The following BTBD3 variants were observed in gnomAD, a reference collection of about 807,000 sequenced individuals.
BTBD3 encodes the protein BTB/POZ domain-containing protein 3.
A neutral mutation model predicts 41.6 loss-of-function variants in BTBD3; 14 were observed. The ratio of observed to expected loss-of-function variants is 0.34; its 90% CI spans 0.22 to 0.53. The LOEUF (loss-of-function observed/expected upper bound fraction) is 0.53, where lower values mean the gene tolerates loss of function less well. BTBD3 is among the 20% of genes least tolerant of loss of function. The probability of loss-of-function intolerance (pLI) is 0.95; values close to 1 mark genes in which losing one functional copy is unlikely to be tolerated. For missense variants in BTBD3, 426 were observed against 654.7 expected, an observed-to-expected ratio of 0.65 and a Z score of 3.81; for synonymous variants, 249 against 233.7, an observed-to-expected ratio of 1.07 and a Z score of -0.60.
At chr20:11,900,161 C>T (rs555800761) in intron 1 of BTBD3, among the ~76,000 whole-genome samples, 2 of 152,224 alleles carry the variant, frequency 1.3e-5, no homozygotes, top group African/African-American at 2.4e-5. Flanking sequence ...TTGAATGCAT[C>T]TGTTCTACCT....
rs370952246 is a variant in BTBD3 at position 11,895,096 on chromosome 20, A to G, written c.-126+4142A>G. On this transcript the variant is annotated intron_variant, in intron 1 of 4. Coordinates refer to the BTBD3 transcript ENST00000254977. ...AGCGAGTTCTACCACCATTTGTTAA[A>G]TAGTTCCTCCTTTCTTCTTTGCTTT... Among the ~76,000 whole-genome samples, 16 of 152,208 alleles carry G rather than the reference A, an allele frequency of 1.1e-4. No homozygotes were observed. The South Asian group carries it at 2.9e-3, about 28-fold the overall frequency.
chr20:11,917,861 G>T (rs747476826), upstream of BTBD3: 6 of 955,388 alleles, frequency 6.3e-6, no homozygotes, highest in Non-Finnish European at 7.5e-6. Flanking sequence ...CCATCTGCAG[G>T]GCTGTAATAC....
At chr20:11,922,267 T>G (rs1366716811) in intron 3 of BTBD3, among the ~76,000 whole-genome samples, 1 of 152,200 alleles carries the variant, frequency 6.6e-6, no homozygotes, top group Non-Finnish European at 1.5e-5. Flanking sequence ...TATTCTTGGT[T>G]AAATATAATG....
chr20:11,891,050 A>T (rs2056748416), intron 1 of BTBD3: 1 of 865,188 alleles, frequency 1.2e-6, no homozygotes, highest in Admixed American at 6.3e-5. Flanking sequence ...GGCCGGCCGG[A>T]GGGGCCGAGC....
chr20:11,910,235 CAAAA>C (rs748285685), intron 1 of BTBD3: 39 of 147,838 alleles, frequency 2.6e-4, no homozygotes, highest in Non-Finnish European at 9.0e-5. Context: ...GAAAAAAAAA[CAAAA>C]AAAACTAATA....
At chr20:11,902,244 A>C (rs2056828393) in intron 1 of BTBD3, among the ~76,000 whole-genome samples, 1 of 152,236 alleles carries the variant, frequency 6.6e-6, no homozygotes, top group Non-Finnish European at 1.5e-5. Flanking sequence ...GAAAATCATA[A>C]GGAAGTGAAA....
intron 1 of BTBD3, among the ~76,000 whole-genome samples, chr20:11,892,133 G>C (rs1256882029): frequency 6.6e-6 from 1 of 152,178 alleles, no homozygotes; most frequent in Non-Finnish European, 1.5e-5. Flanking sequence ...ACAAAGAGCG[G>C]TTTGTTTCCC....
chr20:11,905,784 TG>T (rs1438817434), intron 1 of BTBD3, among the ~76,000 whole-genome samples: 1 of 152,216 alleles, frequency 6.6e-6, no homozygotes, highest in African/African-American at 2.4e-5. Context: ...GTGAAACTCT[TG>T]CCTTTTCTGT....
At chr20:11,909,562 T>C (rs1363970033) in intron 1 of BTBD3, 1 of 152,198 alleles carries the variant, frequency 6.6e-6, no homozygotes, top group Admixed American at 6.5e-5. Flanking sequence ...CAGCAAGATT[T>C]CTCAGATTTC....
At position 11,924,173 on chromosome 20, in the gene BTBD3, T is replaced by G. The variant is rs1033590641; in HGVS notation, c.*507T>G. ...AGTAGACAGTGGTTGTGTTTGGCTC[T>G]CGTTTTATTCCTTTTACATTTGTTG... On this transcript the variant is annotated 3_prime_UTR_variant, in exon 4 of 4. Coordinates refer to ENST00000378226, the MANE Select transcript of BTBD3 (RefSeq NM_014962.4). 1.3e-5 allele frequency: 2 copies of G among 152,988 alleles called. No individual in the cohort carries two copies. Among genetic ancestry groups the G allele is most frequent in the African/African-American group, 4.8e-5 (2 of 41,484 alleles). 9.5% of individuals were successfully genotyped at this position (152,988 alleles called of 1,614,324 possible).
chr20:11,918,759 G>A (rs2056940141), intron 1 of BTBD3, 158 bp downstream of exon 1: 3 of 795,490 alleles, frequency 3.8e-6, no homozygotes, highest in Non-Finnish European at 5.7e-6. Flanking sequence ...TTCCAAAACA[G>A]TACAGCTGTT....
At chr20:11,919,342 T>A (rs888302616) in intron 2 of BTBD3, 166 bp downstream of exon 2, 2 of 1,405,332 alleles carry the variant, frequency 1.4e-6, no homozygotes, top group Admixed American at 6.2e-5. Context: ...CACGCTTAAT[T>A]TTTTCTTTGT....
At position 11,924,092 on chromosome 20, in the gene BTBD3, ACCT is replaced by A. The variant is rs2122347369; in HGVS notation, c.*428_*430del. The A allele has an allele frequency of 6.4e-6, 1 of 157,004 alleles. No homozygotes were observed. The highest frequency in any genetic ancestry group is 1.9e-4 in the East Asian group (1 of 5,236). The allele number at this position is 157,004 out of a possible 1,614,324, so 9.7% of individuals were successfully genotyped here. On this transcript the variant is annotated 3_prime_UTR_variant, in exon 4 of 4. Coordinates refer to ENST00000378226, the MANE Select transcript of BTBD3 (RefSeq NM_014962.4). ...TCCTCTTACCCCCCAAAACAGATAA[ACCT>A]CAGTGTACAATTTTGAAAGAAGTTT...
At chr20:11,902,956 T>TA (rs2056832563) in intron 1 of BTBD3, among the ~76,000 whole-genome samples, 1 of 152,164 alleles carries the variant, frequency 6.6e-6, no homozygotes, top group Non-Finnish European at 1.5e-5. Flanking sequence ...TTTTAATTGT[T>TA]ACACAAATCT....
intron 1 of BTBD3, among the ~76,000 whole-genome samples, chr20:11,892,017 C>T (rs1347540679): frequency 1.3e-5 from 2 of 152,122 alleles, no homozygotes; most frequent in African/African-American, 4.8e-5. Context: ...AGTTTGGAAA[C>T]ACTGGTTTAA....
In BTBD3 at chr20:11,924,986, T is replaced by A. The variant is rs957468926; in HGVS notation, c.*1320T>A. On this transcript the variant is annotated 3_prime_UTR_variant, in exon 4 of 4. Transcript: ENST00000378226. ...AACTTATTAAATTCTCCTTCGCTGC[T>A]GGCTTGTGCTGGTTTAGTGCCTGTG... 2.6e-5 allele frequency: 4 copies of A among 152,716 alleles called. No individual in the cohort carries two copies. The highest frequency in any genetic ancestry group is 9.6e-5 in the African/African-American group (4 of 41,478). 9.5% of individuals were successfully genotyped at this position (152,716 alleles called of 1,614,324 possible).
intron 1 of BTBD3, among the ~76,000 whole-genome samples, chr20:11,898,439 T>G (rs1334204219): frequency 1.3e-5 from 2 of 152,252 alleles, no homozygotes; most frequent in Non-Finnish European, 2.9e-5. Flanking sequence ...AATTGCAATC[T>G]GCATCCTGTA....
In BTBD3 at chr20:11,924,318, C is replaced by G. The variant is rs2056999633; in HGVS notation, c.*652C>G. 1.3e-5 allele frequency: 2 copies of G among 152,128 alleles called. No individual in the cohort carries two copies. The highest frequency in any genetic ancestry group is 2.9e-5 in the Non-Finnish European group (2 of 68,018). The allele number at this position is 152,128 out of a possible 1,614,324, so 9.4% of individuals were successfully genotyped here. On this transcript the variant is annotated 3_prime_UTR_variant, in exon 4 of 4. Coordinates refer to ENST00000378226, the MANE Select transcript of BTBD3 (RefSeq NM_014962.4). ...GCATTTGTTTAGGCCATGACTTCTACAAGCAGATTTCTTTTCTTTTAGTTT... is the reference window on the plus strand; with the variant it reads ...GCATTTGTTTAGGCCATGACTTCTAGAAGCAGATTTCTTTTCTTTTAGTTT...
upstream of BTBD3, among the ~76,000 whole-genome samples, chr20:11,917,380 A>T: frequency 6.6e-6 from 1 of 152,222 alleles, no homozygotes; most frequent in East Asian, 1.9e-4. Context: ...ACATGGCCTC[A>T]GTTCTCTTCT....
Sources: gnomAD v4.1 joint callset for allele counts (sites outside exome capture counted in the v4.1 genomes callset) on GRCh38, gnomAD v4.1.1 for gene constraint, MANE v1.5 for transcripts, NCBI Gene and HGNC (gene_info 2026-07-23, HGNC 2026-07-21) for gene names.